Variants in IARS2 observed in about 807,000 individuals in gnomAD.
The protein encoded by IARS2 is isoleucine--tRNA ligase, mitochondrial.
In IARS2, 56 loss-of-function variants were observed where a neutral mutation model predicts 126.3. That is an observed-to-expected ratio of 0.44 (90% CI 0.36 to 0.55). The LOEUF is 0.55. Among genes scored for constraint, IARS2 ranks in the 20% least tolerant of loss-of-function variants. The pLI, the probability that IARS2 is intolerant of heterozygous loss-of-function variation, is 0.00. For synonymous variants in IARS2, 407 were observed against 441.1 expected (o/e 0.92, Z 0.97); for missense variants, 1,127 against 1,245.9 (o/e 0.90, Z 1.44).
chr1:220,114,659 A>G (rs2102825398), intron 12 of IARS2, among the ~76,000 whole-genome samples, 185 bp downstream of exon 12: 1 of 152,310 alleles, frequency 6.6e-6, no homozygotes, highest in South Asian at 2.1e-4. Context: ...TATTAACTAG[A>G]TTTTCTTAAA....
chr1:220,094,179 C>G lies in IARS2; in HGVS notation c.-38C>G, dbSNP rs760303817. On this transcript the variant is annotated 5_prime_UTR_variant, in exon 1 of 23. Coordinates refer to ENST00000366922, the MANE Select transcript of IARS2 (RefSeq NM_018060.4). ...GGGGTCCTGCCCCTTCAAGCTGGGG[C>G]GGGAGCGGAGGACCCCGCTCTCAGG... The G allele has an allele frequency of 1.2e-5, 18 of 1,492,422 alleles. No individual in the cohort carries two copies. Among genetic ancestry groups the G allele is most frequent in the Non-Finnish European group, 1.5e-5 (17 of 1,124,080 alleles). The allele number at this position is 1,492,422 out of a possible 1,614,324, so 92.4% of individuals were successfully genotyped here.
Position 220,126,800 on chromosome 1 carries a change from C to T in IARS2, c.1794C>T (p.Asp598=), listed in dbSNP as rs1428216577. The T allele has an allele frequency of 3.1e-6, 5 of 1,613,406 alleles. No homozygotes were observed. The highest frequency in any genetic ancestry group is 4.2e-6 in the Non-Finnish European group (5 of 1,179,870). ...ATGTGCCAGGTCAGGATATTTTGGA[C>T]ATCTGGTTTGATAGCGGAACTTCAT... The part of the protein sequence containing the change: ...LEYVPGQDIL[D]IWFDSGTSWS... Residue 598 remains aspartate (D), a synonymous_variant, in exon 14 of 23, where the codon GAC becomes GAT. Transcript: ENST00000366922.
At chr1:220,096,963 G>A (rs542376904) in intron 2 of IARS2, among the ~76,000 whole-genome samples, 5 of 151,902 alleles carry the variant, frequency 3.3e-5, no homozygotes, top group Admixed American at 1.3e-4. Flanking sequence ...GGAGAATGCC[G>A]TGAACCCGGG....
At chr1:220,096,276 A>G (rs1468804866) in intron 2 of IARS2, 50 bp downstream of exon 2, 1 of 1,204,440 alleles carries the variant, frequency 8.3e-7, no homozygotes, top group East Asian at 2.4e-5. Flanking sequence ...TTATGTAAAT[A>G]CTCTTTATAA....
At chr1:220,123,349 A>G (rs1657086291) in intron 12 of IARS2, among the ~76,000 whole-genome samples, 1 of 152,198 alleles carries the variant, frequency 6.6e-6, no homozygotes, top group African/African-American at 2.4e-5. Context: ...CTTTCTCATT[A>G]TAAGTTCTTC....
intron 7 of IARS2, 90 bp downstream of exon 7, chr1:220,102,867 T>A: frequency 1.3e-6 from 1 of 770,282 alleles, no homozygotes. Flanking sequence ...TCCTGTTTAT[T>A]ATTGTAAAAT....
intron 22 of IARS2, 123 bp downstream of exon 22, chr1:220,145,776 A>T: frequency 1.3e-6 from 1 of 757,018 alleles, no homozygotes; most frequent in South Asian, 3.0e-5. Flanking sequence ...ACATCTTTCT[A>T]TGGAAATAAT....
At chr1:220,138,480 A>G (rs1657425823) in intron 17 of IARS2, among the ~76,000 whole-genome samples, 1 of 152,130 alleles carries the variant, frequency 6.6e-6, no homozygotes, top group Admixed American at 6.5e-5. Flanking sequence ...AAAAAAAACA[A>G]AAAACTCCTG....
rs920246299 is a variant in IARS2, at chr1:220,125,710, G to C, written c.1743+371G>C. 5.3e-5 allele frequency among the ~76,000 whole-genome samples: 8 copies of C among 150,846 alleles called. No individual in the cohort carries two copies. In the East Asian group the frequency reaches 1.6e-3, roughly 30 times the overall value. On this transcript the variant is annotated intron_variant, in intron 13 of 22. Transcript: ENST00000366922. Reference sequence around the variant, plus strand: ...GTCCCAGCTACTTGGGAGGTTGAGGGGGGAGGATGGCTTGAGCCTGGAAGA... The same window carrying C: ...GTCCCAGCTACTTGGGAGGTTGAGGCGGGAGGATGGCTTGAGCCTGGAAGA...
intron 15 of IARS2, 128 bp from the exon 16 acceptor site, chr1:220,136,681 A>T: frequency 8.8e-6 from 4 of 456,894 alleles, no homozygotes; most frequent in East Asian, 3.9e-5. Flanking sequence ...AAAAGGTTTT[A>T]TTCATAATCA....
chr1:220,096,593 T>C (rs959054674), intron 2 of IARS2, among the ~76,000 whole-genome samples: 2 of 152,212 alleles, frequency 1.3e-5, no homozygotes, highest in Admixed American at 6.5e-5. Context: ...TTAAAATGCT[T>C]AGTAGAATTT....
At chr1:220,106,630 C>CTTTTTTTTTT (rs200435156) in intron 9 of IARS2, among the ~76,000 whole-genome samples, 8 of 138,248 alleles carry the variant, frequency 5.8e-5, no homozygotes, top group South Asian at 2.3e-4. Context: ...CTTTTCTTTT[C>CTTTTTTTTTT]TTTTTTTTTT....
At chr1:220,123,261 CAT>C (rs1657085174) in intron 12 of IARS2, among the ~76,000 whole-genome samples, 1 of 151,998 alleles carries the variant, frequency 6.6e-6, no homozygotes, top group Admixed American at 6.6e-5. Flanking sequence ...GGTCTGATAA[CAT>C]AAAAGTTTAT....
At chr1:220,148,033 GGAAAAATACT>G in exon 23 of IARS2, 1 of 371,654 alleles carries the variant, frequency 2.7e-6, no homozygotes. Context: ...AAGGCATTCT[GGAAAAATACT>G]GACTGATTTT....
At chr1:220,107,699 A>G (rs959701437) in intron 10 of IARS2, among the ~76,000 whole-genome samples, 9 of 152,228 alleles carry the variant, frequency 5.9e-5, no homozygotes, top group African/African-American at 2.2e-4. Flanking sequence ...GTTTGAAACA[A>G]CAGAAATTTA....
chr1:220,145,491 T>C lies in IARS2; in HGVS notation c.2752-18T>C. On this transcript the variant is annotated intron_variant, in intron 21 of 22. Transcript: ENST00000366922. Reference sequence around the variant, plus strand: ...ACAAATTTAACATAAACTGTAACTTTCACATGCTTCCTTCCAGATGCTGCA... The same window carrying C: ...ACAAATTTAACATAAACTGTAACTTCCACATGCTTCCTTCCAGATGCTGCA... 1 of 1,587,082 alleles carries C rather than the reference T, an allele frequency of 6.3e-7. No homozygotes were observed. The highest frequency in any genetic ancestry group is 1.8e-5 in the Admixed American group (1 of 55,168).
intron 12 of IARS2, among the ~76,000 whole-genome samples, chr1:220,120,802 CTT>C (rs1331013702): frequency 6.6e-6 from 1 of 152,122 alleles, no homozygotes; most frequent in East Asian, 1.9e-4. Flanking sequence ...TCTTTACTCT[CTT>C]ATTTTAAAAT....
At chr1:220,121,903 G>A (rs1445130073) in intron 12 of IARS2, among the ~76,000 whole-genome samples, 1 of 152,144 alleles carries the variant, frequency 6.6e-6, no homozygotes, top group Admixed American at 6.6e-5. Context: ...ACCAGCCTGA[G>A]CAACAAAGCG....
At chr1:220,115,499 G>T (rs958510589) in intron 12 of IARS2, among the ~76,000 whole-genome samples, 4 of 152,106 alleles carry the variant, frequency 2.6e-5, no homozygotes, top group Non-Finnish European at 5.9e-5. Flanking sequence ...GGCAGAGGTT[G>T]CAGTGAGCCA....
Sources: allele counts gnomAD v4.1 joint callset (sites outside exome capture counted in the v4.1 genomes callset), GRCh38; gene constraint gnomAD v4.1.1; transcripts MANE v1.5; gene names NCBI Gene and HGNC (gene_info 2026-07-23, HGNC 2026-07-21).